Variants in COBLL1 observed in about 807,000 individuals in gnomAD.
COBLL1 encodes cordon-bleu protein-like 1.
In COBLL1, 50 loss-of-function variants were observed where a neutral mutation model predicts 94.8. The observed-to-expected ratio is 0.53, with a 90% CI of 0.42 to 0.67. The LOEUF (loss-of-function observed/expected upper bound fraction) is 0.67, where lower values mean the gene tolerates loss of function less well. Ranked by LOEUF, COBLL1 falls within the 30% of genes least tolerant of loss-of-function variation. COBLL1 has a pLI of 0.00. For synonymous variants in COBLL1, 448 were observed against 473.8 expected, an observed-to-expected ratio of 0.95 and a Z score of 0.71; for missense variants, 1,362 against 1,348.7, an observed-to-expected ratio of 1.01 and a Z score of -0.15.
At chr2:164,803,736 A>C (rs1031298276) in intron 2 of COBLL1, among the ~76,000 whole-genome samples, 1 of 152,152 alleles carries the variant, frequency 6.6e-6, no homozygotes, top group African/African-American at 2.4e-5. Flanking sequence ...GGCTTTAATC[A>C]ATTTGTCTAA....
At chr2:164,766,847 A>G (rs1687956525) in intron 2 of COBLL1, among the ~76,000 whole-genome samples, 1 of 152,220 alleles carries the variant, frequency 6.6e-6, no homozygotes, top group Non-Finnish European at 1.5e-5. Flanking sequence ...TTCAAGAACC[A>G]TAAGCCACAC....
rs1683629896 is a variant in COBLL1, at chr2:164,841,656, T to C, written c.-51+54A>G. The C allele has an allele frequency of 5.6e-6, 2 of 356,422 alleles. No homozygotes were observed. Among genetic ancestry groups the C allele is most frequent in the African/African-American group, 4.2e-5 (2 of 47,226 alleles). The allele number at this position is 356,422 out of a possible 1,614,324, so 22.1% of individuals were successfully genotyped here. ...AAACAAAACGCCCTAGGAAAACTTT[T>C]CCCGAAGAGAAGTTGGGAGGGCTGA... On this transcript the variant is annotated intron_variant, in intron 1 of 13. Coordinates refer to ENST00000652658, the MANE Select transcript of COBLL1 (RefSeq NM_001365672.2). This position sits in a 1 kb window ranked among gnomAD's most constrained non-coding sequence, Gnocchi z 5.5.
intron 2 of COBLL1, among the ~76,000 whole-genome samples, chr2:164,813,035 A>AT (rs961384349): frequency 7.7e-6 from 1 of 130,544 alleles, no homozygotes; most frequent in Non-Finnish European, 1.7e-5. Context: ...AAATTTCCAA[A>AT]TTTTTTTTTA....
chr2:164,821,676 T>C (rs1336213899), intron 2 of COBLL1, among the ~76,000 whole-genome samples: 1 of 152,214 alleles, frequency 6.6e-6, no homozygotes, highest in African/African-American at 2.4e-5. Context: ...TAGTTGGTTA[T>C]TTTATTTCCT....
chr2:164,728,534 T>C (rs1034751550), intron 4 of COBLL1, among the ~76,000 whole-genome samples: 1 of 152,082 alleles, frequency 6.6e-6, no homozygotes, highest in Non-Finnish European at 1.5e-5. Flanking sequence ...CAAATATACA[T>C]AGTACAAAAT....
chr2:164,747,875 T>C (rs1159771918), intron 2 of COBLL1, among the ~76,000 whole-genome samples: 4 of 152,170 alleles, frequency 2.6e-5, no homozygotes, highest in Admixed American at 2.0e-4. Flanking sequence ...TGGAAAGCAA[T>C]GTGAATAAGA....
intron 7 of COBLL1, among the ~76,000 whole-genome samples, chr2:164,707,619 CCTA>C (rs1265359492): frequency 6.6e-6 from 1 of 152,044 alleles, no homozygotes; most frequent in Non-Finnish European, 1.5e-5. Context: ...ATTTTTTTCC[CCTA>C]CTATTTCACT....
At chr2:164,776,916 ATT>A (rs1688492022) in intron 2 of COBLL1, among the ~76,000 whole-genome samples, 1 of 152,138 alleles carries the variant, frequency 6.6e-6, no homozygotes, top group African/African-American at 2.4e-5. Flanking sequence ...AAAAATAAAC[ATT>A]GTTTTGGAAT....
intron 2 of COBLL1, among the ~76,000 whole-genome samples, chr2:164,659,027 C>A (rs1358111170): frequency 7.9e-5 from 12 of 152,240 alleles, no homozygotes; most frequent in Admixed American, 2.6e-4. Flanking sequence ...ATAATAATCT[C>A]CTAATGGCTT....
In COBLL1 at chr2:164,828,851, A is replaced by T. The variant is rs2105376959; in HGVS notation, c.41+12305T>A. Among the ~76,000 whole-genome samples, 3 of 152,330 alleles carry T rather than the reference A, an allele frequency of 2.0e-5. 1 individual carries two copies. In the South Asian group the frequency reaches 6.2e-4, roughly 32 times the overall value. On this transcript the variant is annotated intron_variant, in intron 2 of 13. Coordinates refer to ENST00000652658, the MANE Select transcript of COBLL1 (RefSeq NM_001365672.2). ...ATATGTTACTTACATTAATTTTTTA[A>T]TGTGGCTCCTAAAATATTTAAAATT...
At chr2:164,837,999 T>G (rs1205623655) in intron 2 of COBLL1, among the ~76,000 whole-genome samples, 1 of 151,948 alleles carries the variant, frequency 6.6e-6, no homozygotes, top group Non-Finnish European at 1.5e-5. Context: ...CTGGGCAACA[T>G]AGCAAGACTC....
At chr2:164,692,148 AT>A in intron 13 of COBLL1, 72 bp downstream of exon 13, 1 of 1,384,384 alleles carries the variant, frequency 7.2e-7, no homozygotes, top group East Asian at 2.5e-5. Context: ...TGCTAGAAAA[AT>A]TTTTCCCTAA....
At chr2:164,659,142 T>A (rs1278764030) in intron 2 of COBLL1, among the ~76,000 whole-genome samples, 24 of 152,164 alleles carry the variant, frequency 1.6e-4, no homozygotes, top group Non-Finnish European at 1.9e-4. Context: ...TCTGTATATA[T>A]ATTTACTCTT....
At chr2:164,687,512 C>A in intron 13 of COBLL1, 3 of 1,431,690 alleles carry the variant, frequency 2.1e-6, no homozygotes, top group Non-Finnish European at 2.9e-6. Context: ...TTGGTGCGGA[C>A]GGACATGGTA....
At position 164,684,395 on chromosome 2, in the gene COBLL1, T is replaced by C. The variant is rs1292766427; in HGVS notation, c.*1551A>G. On this transcript the variant is annotated 3_prime_UTR_variant, in exon 14 of 14. Coordinates refer to ENST00000652658, the MANE Select transcript of COBLL1 (RefSeq NM_001365672.2). ...AATTAGGGATCCAAATTTATATTTT[T>C]ATAAGTAGATAATTATGACAACACA... 2 of 152,166 alleles carry C rather than the reference T, an allele frequency of 1.3e-5. No individual in the cohort carries two copies. The highest frequency in any genetic ancestry group is 4.8e-5 in the African/African-American group (2 of 41,450). 9.4% of individuals were successfully genotyped at this position (152,166 alleles called of 1,614,324 possible). A position where few individuals can be genotyped will look rare whatever the true frequency, so the allele number is the denominator to read the frequency against.
chr2:164,725,505 C>A (rs771810335), intron 5 of COBLL1, among the ~76,000 whole-genome samples: 30 of 152,054 alleles, frequency 2.0e-4, no homozygotes, highest in Non-Finnish European at 4.0e-4. Flanking sequence ...ACAGCCCTGA[C>A]CTCCCTGGGC....
rs1422797804 is a variant in COBLL1 at position 164,683,947 on chromosome 2, A to G, written c.*1999T>C. 6 of 152,154 alleles carry G rather than the reference A, an allele frequency of 3.9e-5. No homozygotes were observed. The South Asian group carries it at 6.2e-4, about 16-fold the overall frequency. 9.4% of individuals were successfully genotyped at this position (152,154 alleles called of 1,614,324 possible). A position where few individuals can be genotyped will look rare whatever the true frequency, so the allele number is the denominator to read the frequency against. On this transcript the variant is annotated 3_prime_UTR_variant, in exon 14 of 14. Coordinates refer to ENST00000652658, the MANE Select transcript of COBLL1 (RefSeq NM_001365672.2). ...TGCAGATGTCTCCTTATGCATGTGC[A>G]TAAGTACTTATTTAAGGTAACATGG...
chr2:164,791,512 A>G (rs1393635610), intron 2 of COBLL1, among the ~76,000 whole-genome samples: 1 of 152,184 alleles, frequency 6.6e-6, no homozygotes, highest in Non-Finnish European at 1.5e-5. Flanking sequence ...ATACATACCT[A>G]TATACACATA....
intron 2 of COBLL1, among the ~76,000 whole-genome samples, chr2:164,826,811 A>G (rs556426064): frequency 4.5e-4 from 69 of 152,192 alleles, no homozygotes; most frequent in Non-Finnish European, 8.5e-4. Context: ...AGTTAAATGT[A>G]GAGTATTAGG....
Sources: gnomAD v4.1 joint callset for allele counts (sites outside exome capture counted in the v4.1 genomes callset) on GRCh38, gnomAD v4.1.1 for gene constraint, Gnocchi (gnomAD v3.1) non-coding constraint, MANE v1.5 for transcripts, NCBI Gene and HGNC (gene_info 2026-07-23, HGNC 2026-07-21) for gene names.